The following TRAPPC12 variants were observed in gnomAD, a reference collection of about 807,000 sequenced individuals.
TRAPPC12 encodes the protein trafficking protein particle complex subunit 12.
In TRAPPC12, 61 loss-of-function variants were observed where a neutral mutation model predicts 69.2. That is an observed-to-expected ratio of 0.88 (90% CI 0.72 to 1.09). TRAPPC12 has a LOEUF of 1.09. TRAPPC12 is among the 50% of genes least tolerant of loss of function. The pLI, the probability that TRAPPC12 is intolerant of heterozygous loss-of-function variation, is 0.00. For synonymous variants in TRAPPC12, 469 were observed against 438.9 expected (o/e 1.07, Z -0.86); for missense variants, 1,101 against 1,016.4 (o/e 1.08, Z -1.13).
Position 3,465,625 on chromosome 2 carries a change from A to G in TRAPPC12, c.1706A>G (p.His569Arg), listed in dbSNP as rs1665771413. The G allele has an allele frequency of 6.2e-7, 1 of 1,614,046 alleles. No homozygotes were observed. The highest frequency in any genetic ancestry group is 8.5e-7 in the Non-Finnish European group (1 of 1,180,020). ...KDYVLAVEAY[H>R]SVIKYYPEQE... ...TATGTGCTGGCCGTGGAGGCGTATC[A>G]TTCGGTTATCAAGTATTACCCAGAG... Residue 569 changes from histidine to arginine, a missense_variant, in exon 9 of 12, where the codon CAT becomes CGT. His to Arg is a conservative substitution (Grantham distance 29). Coordinates refer to ENST00000324266, the MANE Select transcript of TRAPPC12 (RefSeq NM_016030.6).
chr2:3,453,069 C>A (rs1664934985), intron 6 of TRAPPC12, among the ~76,000 whole-genome samples: 1 of 152,232 alleles, frequency 6.6e-6, no homozygotes, highest in Non-Finnish European at 1.5e-5. Flanking sequence ...CACCGGACAT[C>A]CCTGTTCTTG....
chr2:3,412,577 A>G (rs1024895486), intron 3 of TRAPPC12, among the ~76,000 whole-genome samples: 3 of 152,136 alleles, frequency 2.0e-5, no homozygotes, highest in Non-Finnish European at 4.4e-5. Context: ...ACAAACAAAA[A>G]GATCAGGTTT....
At chr2:3,421,845 T>C (rs770294224) in intron 3 of TRAPPC12, 36 bp from the exon 4 acceptor site, 16 of 1,578,088 alleles carry the variant, frequency 1.0e-5, no homozygotes, top group South Asian at 1.1e-5. Context: ...ATGCCTTGCA[T>C]GTGTGTTTGG....
chr2:3,446,594 T>C (rs1404856686), intron 6 of TRAPPC12, among the ~76,000 whole-genome samples: 3 of 152,248 alleles, frequency 2.0e-5, no homozygotes, highest in African/African-American at 7.2e-5. Context: ...TGGCCGCATG[T>C]GGGCATTCTT....
intron 2 of TRAPPC12, among the ~76,000 whole-genome samples, chr2:3,398,202 T>A (rs911886940): frequency 6.6e-6 from 1 of 152,264 alleles, no homozygotes; most frequent in Admixed American, 6.5e-5. Flanking sequence ...CTATGTGTTC[T>A]CAGTGATCTG....
At chr2:3,406,653 T>C (rs1661749785) in intron 3 of TRAPPC12, among the ~76,000 whole-genome samples, 1 of 152,218 alleles carries the variant, frequency 6.6e-6, no homozygotes, top group African/African-American at 2.4e-5. Context: ...GGTGGCCATT[T>C]CCCTGGCCCA....
intron 1 of TRAPPC12, among the ~76,000 whole-genome samples, chr2:3,383,868 CTTGTTTTTTTTTTTTTTTTTTTT>C (rs1370294390): frequency 7.2e-4 from 61 of 84,750 alleles, no homozygotes; most frequent in Non-Finnish European, 1.3e-3. Flanking sequence ...ATAGTTCAGT[CTTGTTTTTTTTTTTTTTTTTTTT>C]TTTTTTTTTT....
chr2:3,436,578 C>T (rs114804267), intron 5 of TRAPPC12, among the ~76,000 whole-genome samples: 223 of 152,092 alleles, frequency 1.5e-3, no homozygotes, highest in African/African-American at 5.0e-3. Context: ...AAACCAATAG[C>T]GGTACATTGT....
Position 3,473,424 on chromosome 2 carries a change from T to C in TRAPPC12, c.1777-4271T>C, listed in dbSNP as rs1265726390. 2.0e-5 allele frequency among the ~76,000 whole-genome samples: 3 copies of C among 152,250 alleles called. No homozygotes were observed. In the East Asian group the frequency reaches 5.8e-4, roughly 29 times the overall value. ...TAAAATACAAGAATGTTTTATAACA[T>C]AAAAATTTAGACTAAAGTTTTCCGT... On this transcript the variant is annotated intron_variant, in intron 9 of 11. Transcript: ENST00000324266.
chr2:3,447,719 C>T (rs1023568829), intron 6 of TRAPPC12, among the ~76,000 whole-genome samples: 1 of 152,120 alleles, frequency 6.6e-6, no homozygotes, highest in Non-Finnish European at 1.5e-5. Flanking sequence ...TAAAAGCCAG[C>T]CCACCACTAT....
intron 4 of TRAPPC12, 111 bp from the exon 5 acceptor site, chr2:3,424,414 C>G (rs765064611): frequency 3.1e-5 from 29 of 926,806 alleles, no homozygotes; most frequent in Non-Finnish European, 3.9e-5. Context: ...TAGGTTAGCC[C>G]TTATTTTAAT....
At chr2:3,389,279 C>T (rs911268432) in intron 2 of TRAPPC12, among the ~76,000 whole-genome samples, 2 of 152,248 alleles carry the variant, frequency 1.3e-5, no homozygotes, top group Admixed American at 1.3e-4. Context: ...ACTAGGCCTG[C>T]CGGGCCGCAC....
intron 6 of TRAPPC12, among the ~76,000 whole-genome samples, chr2:3,450,291 C>G (rs1664782388): frequency 6.6e-6 from 1 of 152,218 alleles, no homozygotes; most frequent in Non-Finnish European, 1.5e-5. Flanking sequence ...ATCGTGCATT[C>G]TTTGCCTTGC....
intron 5 of TRAPPC12, among the ~76,000 whole-genome samples, chr2:3,431,367 A>T (rs1663429294): frequency 6.6e-6 from 1 of 152,238 alleles, no homozygotes; most frequent in Non-Finnish European, 1.5e-5. Context: ...GGTCCCAGGA[A>T]ACATCATCCA....
chr2:3,453,052 C>G (rs1209346289), intron 6 of TRAPPC12, among the ~76,000 whole-genome samples: 5 of 152,232 alleles, frequency 3.3e-5, no homozygotes, highest in African/African-American at 7.2e-5. Flanking sequence ...GAACCCACGT[C>G]TTCTGGCACC....
At chr2:3,415,906 C>A (rs1006299211) in intron 3 of TRAPPC12, among the ~76,000 whole-genome samples, 1 of 151,316 alleles carries the variant, frequency 6.6e-6, no homozygotes, top group African/African-American at 2.4e-5. Flanking sequence ...TTAGTAGAGG[C>A]GGGGTTTCAC....
rs1342634538 is a variant in TRAPPC12, at chr2:3,414,110, A to G, written c.1165-7771A>G. 6.6e-6 allele frequency among the ~76,000 whole-genome samples: 1 copy of G among 152,122 alleles called. No individual in the cohort carries two copies. Among genetic ancestry groups the G allele is most frequent in the Non-Finnish European group, 1.5e-5 (1 of 68,046 alleles). ...TTAGAAAACTAGGTACCCCTCACAC[A>G]TTTTTAAGCTATCTAAAATGTTTTA... On this transcript the variant is annotated intron_variant, in intron 3 of 11. Coordinates refer to ENST00000324266, the MANE Select transcript of TRAPPC12 (RefSeq NM_016030.6). This position sits in a 1 kb window ranked among gnomAD's most constrained non-coding sequence, Gnocchi z 4.9.
chr2:3,415,816 A>G (rs1253676069), intron 3 of TRAPPC12, among the ~76,000 whole-genome samples: 1 of 150,784 alleles, frequency 6.6e-6, no homozygotes, highest in Non-Finnish European at 1.5e-5. Flanking sequence ...TTGCAGGTTC[A>G]CACCATTCTC....
chr2:3,449,961 G>A (rs1271985012), intron 6 of TRAPPC12, among the ~76,000 whole-genome samples: 2 of 152,096 alleles, frequency 1.3e-5, no homozygotes, highest in Non-Finnish European at 2.9e-5. Context: ...CCATGCTCCT[G>A]GAACCCCGTG....
Sources: gnomAD v4.1 joint callset for allele counts (sites outside exome capture counted in the v4.1 genomes callset) on GRCh38, gnomAD v4.1.1 for gene constraint, Gnocchi (gnomAD v3.1) non-coding constraint, MANE v1.5 for transcripts, NCBI Gene and HGNC (gene_info 2026-07-23, HGNC 2026-07-21) for gene names.